YEATS4: variants seen among roughly 807,000 people sequenced by gnomAD.
YEATS4 encodes the protein YEATS domain-containing protein 4.
YEATS4 carries 17 observed loss-of-function variants against 30.1 expected under a neutral mutation model. That is an observed-to-expected ratio of 0.56 (90% CI 0.39 to 0.85). The LOEUF (loss-of-function observed/expected upper bound fraction) is 0.85, where lower values mean the gene tolerates loss of function less well. YEATS4 is among the 40% of genes least tolerant of loss of function. The probability of loss-of-function intolerance (pLI) is 0.00; values close to 1 mark genes in which losing one functional copy is unlikely to be tolerated. For synonymous variants in YEATS4, 85 were observed against 87.5 expected (o/e 0.97, Z 0.16); for missense variants, 142 against 268.3 (o/e 0.53, Z 3.29).
At chr12:69,407,004 A>G in the YEATS4 span, among the ~76,000 whole-genome samples, 1 of 151,950 alleles carries the variant, frequency 6.6e-6, no homozygotes, top group African/African-American at 2.4e-5. Context: ...TTGTAGAGAC[A>G]GGGTCTTGCT....
In YEATS4 at chr12:69,390,589, G is replaced by C. The variant is rs534847655; in HGVS notation, c.*273G>C. 4.5e-5 allele frequency: 9 copies of C among 201,034 alleles called. 1 individual carries two copies. In the South Asian group the frequency reaches 1.4e-3, roughly 32 times the overall value. 12.5% of individuals were successfully genotyped at this position (201,034 alleles called of 1,614,324 possible). ...ACAGTTTTTAAAAATGTTTATTGTA[G>C]TATATGTATAGCTTATTACCCTTTT... On this transcript the variant is annotated 3_prime_UTR_variant, in exon 7 of 7. Coordinates refer to ENST00000247843, the MANE Select transcript of YEATS4 (RefSeq NM_006530.4).
intron 6 of YEATS4, among the ~76,000 whole-genome samples, chr12:69,388,185 C>G (rs1023892089): frequency 6.6e-6 from 1 of 152,064 alleles, no homozygotes; most frequent in East Asian, 1.9e-4. Flanking sequence ...CTCAGCCTCA[C>G]GCGTAGCTGG....
chr12:69,426,969 G>C, the YEATS4 span, among the ~76,000 whole-genome samples: 4 of 152,126 alleles, frequency 2.6e-5, no homozygotes, highest in Non-Finnish European at 5.9e-5. Context: ...CAAGTTTCTT[G>C]AAAGAGAGTT....
At chr12:69,367,010 G>A (rs1252207375) in intron 4 of YEATS4, among the ~76,000 whole-genome samples, 2 of 152,140 alleles carry the variant, frequency 1.3e-5, no homozygotes, top group Non-Finnish European at 2.9e-5. Context: ...ATGAGAATTG[G>A]GACCCAATGA....
chr12:69,391,763 G>A (rs193142823), downstream of YEATS4, among the ~76,000 whole-genome samples: 2 of 152,206 alleles, frequency 1.3e-5, no homozygotes, highest in East Asian at 1.9e-4. Context: ...CCCAAGTATC[G>A]CATAGGGCCT....
the YEATS4 span, among the ~76,000 whole-genome samples, chr12:69,401,590 G>C: frequency 1.3e-5 from 2 of 152,180 alleles, no homozygotes; most frequent in East Asian, 3.9e-4. Context: ...GCTTCCTTTG[G>C]AGTATCCGCT....
chr12:69,411,872 G>T, the YEATS4 span, among the ~76,000 whole-genome samples: 1 of 152,246 alleles, frequency 6.6e-6, no homozygotes, highest in Non-Finnish European at 1.5e-5. Flanking sequence ...GCAAGGGGAA[G>T]GTAGCAGATG....
chr12:69,371,348 T>C (rs891598519), intron 6 of YEATS4, among the ~76,000 whole-genome samples: 1 of 152,256 alleles, frequency 6.6e-6, no homozygotes, highest in African/African-American at 2.4e-5. Context: ...TTTTATATAC[T>C]GTGAACTAGT....
the YEATS4 span, among the ~76,000 whole-genome samples, chr12:69,424,147 A>G: frequency 9.9e-5 from 15 of 152,238 alleles, no homozygotes; most frequent in African/African-American, 3.6e-4. Flanking sequence ...TTGGTTTCCA[A>G]AACTACTCTG....
the YEATS4 span, among the ~76,000 whole-genome samples, chr12:69,414,893 C>T: frequency 2.2e-4 from 34 of 152,200 alleles, no homozygotes; most frequent in African/African-American, 7.7e-4. Flanking sequence ...TCTTTCTCAG[C>T]GGAAATGTTG....
At chr12:69,375,008 G>GT (rs557659443) in intron 6 of YEATS4, among the ~76,000 whole-genome samples, 1 of 147,526 alleles carries the variant, frequency 6.8e-6, no homozygotes, top group Non-Finnish European at 1.5e-5. Flanking sequence ...GGCGGGGGCT[G>GT]CCCCCACCTC....
intron 6 of YEATS4, among the ~76,000 whole-genome samples, chr12:69,382,837 A>C (rs1876130156): frequency 6.6e-6 from 1 of 152,240 alleles, no homozygotes. Flanking sequence ...GATGTTTTGA[A>C]TAATGAGGTA....
At chr12:69,410,081 A>G in the YEATS4 span, among the ~76,000 whole-genome samples, 2 of 152,238 alleles carry the variant, frequency 1.3e-5, no homozygotes, top group African/African-American at 4.8e-5. Context: ...CTGTGAAACT[A>G]TATTATGGCA....
intron 2 of YEATS4, among the ~76,000 whole-genome samples, chr12:69,365,104 C>T (rs315125): frequency 0.76 from 115,166 of 152,050 alleles, 43,989 homozygotes; most frequent in African/African-American, 0.87. Context: ...TATTTCTATA[C>T]ATTACAAATC....
chr12:69,372,701 A>G (rs996858191), intron 6 of YEATS4, among the ~76,000 whole-genome samples: 1 of 151,088 alleles, frequency 6.6e-6, no homozygotes, highest in African/African-American at 2.4e-5. Flanking sequence ...CACCTGGCTA[A>G]TTTTTTTTAT....
chr12:69,368,783 A>G (rs1288795497), intron 4 of YEATS4, among the ~76,000 whole-genome samples: 1 of 151,880 alleles, frequency 6.6e-6, no homozygotes, highest in East Asian at 1.9e-4. Context: ...ATCTTCCTCC[A>G]TTGTCACATG....
chr12:69,359,783 C>A lies in YEATS4; in HGVS notation c.-190C>A. ...TCTCCACCTGCGCGGGCCTGAATGG[C>A]CTTCAGGAGCACAGTCGGCCTGAGG... On this transcript the variant is annotated 5_prime_UTR_variant, in exon 1 of 7. Transcript: ENST00000247843. 1 of 643,272 alleles carries A rather than the reference C, an allele frequency of 1.6e-6. No homozygotes were observed. The highest frequency in any genetic ancestry group is 2.6e-6 in the Non-Finnish European group (1 of 384,440). 39.8% of individuals were successfully genotyped at this position (643,272 alleles called of 1,614,324 possible). A position where few individuals can be genotyped will look rare whatever the true frequency, so the allele number is the denominator to read the frequency against.
chr12:69,363,057 A>G lies in YEATS4; in HGVS notation c.171+150A>G, dbSNP rs552968920. The G allele has an allele frequency of 1.2e-4, 69 of 574,158 alleles. No homozygotes were observed. In the South Asian group the frequency reaches 2.4e-3, roughly 20 times the overall value. 35.6% of individuals were successfully genotyped at this position (574,158 alleles called of 1,614,324 possible). A position where few individuals can be genotyped will look rare whatever the true frequency, so the allele number is the denominator to read the frequency against. ...GCCCAGGCTGGAGTGCAGTGGCGCG[A>G]TCTCAGCTCACTGCAAGCTCCGCCT... On this transcript the variant is annotated intron_variant, in intron 2 of 6. Transcript: ENST00000247843.
the YEATS4 span, among the ~76,000 whole-genome samples, chr12:69,397,526 T>C: frequency 1.3e-5 from 2 of 152,102 alleles, no homozygotes; most frequent in South Asian, 2.1e-4. Context: ...TTATAAAGGG[T>C]AGTTCCCCTG....
Sources: gnomAD v4.1 joint callset for allele counts (sites outside exome capture counted in the v4.1 genomes callset) on GRCh38, gnomAD v4.1.1 for gene constraint, MANE v1.5 for transcripts, NCBI Gene and HGNC (gene_info 2026-07-23, HGNC 2026-07-21) for gene names.